Variants in EYA2 observed in about 807,000 individuals in gnomAD.
EYA2 encodes the protein EYA transcriptional coactivator and phosphatase 2.
A neutral mutation model predicts 69.2 loss-of-function variants in EYA2; 31 were observed. The observed-to-expected ratio is 0.45, with a 90% CI of 0.34 to 0.60. The LOEUF is 0.60. Among genes scored for constraint, EYA2 ranks in the 20% least tolerant of loss-of-function variants. The pLI, the probability that EYA2 is intolerant of heterozygous loss-of-function variation, is 0.02. For synonymous variants in EYA2, 257 were observed against 279.4 expected (o/e 0.92, Z 0.80); for missense variants, 622 against 701.2 (o/e 0.89, Z 1.28).
At chr20:46,948,514 A>T (rs1978609368) in intron 1 of EYA2, among the ~76,000 whole-genome samples, 1 of 152,222 alleles carries the variant, frequency 6.6e-6, no homozygotes, top group Admixed American at 6.5e-5. Context: ...GATAAGCTGC[A>T]TAAGATGAGG....
intron 1 of EYA2, among the ~76,000 whole-genome samples, chr20:46,956,461 T>G (rs555468812): frequency 6.6e-5 from 10 of 152,316 alleles, no homozygotes; most frequent in Non-Finnish European, 1.3e-4. Flanking sequence ...CTCCATGTGG[T>G]CAACCAAGGG....
In EYA2 at chr20:46,987,916, G is replaced by GACTCTCTCTCTCTCTCTCTCTCTCTC. The variant is rs56288405; in HGVS notation, c.-10-2085_-10-2084insACTCTCTCTCTCTCTCTCTCTCTCTC. Among the ~76,000 whole-genome samples, 12 of 20,374 alleles carry GACTCTCTCTCTCTCTCTCTCTCTCTC rather than the reference G, an allele frequency of 5.9e-4. 2 individuals carry two copies. Among genetic ancestry groups the GACTCTCTCTCTCTCTCTCTCTCTCTC allele is most frequent in the Non-Finnish European group, 9.6e-4 (10 of 10,418 alleles). The allele number at this position is 20,374 out of a possible 152,430, so 13.4% of individuals were successfully genotyped here. A position where few individuals can be genotyped will look rare whatever the true frequency, so the allele number is the denominator to read the frequency against. On this transcript the variant is annotated intron_variant, in intron 1 of 15. Coordinates refer to ENST00000327619, the MANE Select transcript of EYA2 (RefSeq NM_005244.5). ...TACTCCAGCCTGGAAGACAGAGTAAGTCTCTCTCTCTCTCTCTCTCTCTCT... is the reference window on the plus strand; with the variant it reads ...TACTCCAGCCTGGAAGACAGAGTAAGACTCTCTCTCTCTCTCTCTCTCTCTCTCTCTCTCTCTCTCTCTCTCTCTCT...
intron 2 of EYA2, among the ~76,000 whole-genome samples, chr20:46,991,752 G>A (rs1600617571): frequency 6.6e-6 from 1 of 152,102 alleles, no homozygotes. Flanking sequence ...GGCGGATCAC[G>A]AGGTCAGGAG....
At chr20:47,145,671 G>T (rs1273567128) in intron 10 of EYA2, among the ~76,000 whole-genome samples, 1 of 152,124 alleles carries the variant, frequency 6.6e-6, no homozygotes, top group Non-Finnish European at 1.5e-5. Context: ...GGCCAAGGCG[G>T]GTGGATCACT....
At chr20:47,020,303 ATCTCATAAACTTCCAAAAACT>A (rs1983673182) in intron 5 of EYA2, among the ~76,000 whole-genome samples, 1 of 152,194 alleles carries the variant, frequency 6.6e-6, no homozygotes. Flanking sequence ...CTTCTAGCTA[ATCTCATAAACTTCCAAAAACT>A]TTAGCACAGC....
At chr20:47,140,053 C>T (rs1380344739) in intron 9 of EYA2, among the ~76,000 whole-genome samples, 1 of 152,206 alleles carries the variant, frequency 6.6e-6, no homozygotes, top group Non-Finnish European at 1.5e-5. Context: ...TAAATCCTTT[C>T]AGCAAACAAG....
chr20:47,106,124 A>G (rs2032572918), intron 9 of EYA2, among the ~76,000 whole-genome samples: 2 of 152,064 alleles, frequency 1.3e-5, no homozygotes, highest in African/African-American at 4.8e-5. Flanking sequence ...TTTACTGTAG[A>G]GCTTTTATTA....
intron 5 of EYA2, among the ~76,000 whole-genome samples, chr20:47,033,002 G>T (rs1379579256): frequency 6.6e-6 from 1 of 152,066 alleles, no homozygotes; most frequent in African/African-American, 2.4e-5. Context: ...AGCAGGCCTC[G>T]CCAGGTCTCG....
intron 10 of EYA2, among the ~76,000 whole-genome samples, chr20:47,152,145 A>AC (rs1167663083): frequency 6.6e-6 from 1 of 151,826 alleles, no homozygotes; most frequent in Non-Finnish European, 1.5e-5. Context: ...TATTTTACAG[A>AC]CCTCAATTTC....
At chr20:46,980,842 G>A (rs754827370) in intron 1 of EYA2, among the ~76,000 whole-genome samples, 3 of 152,158 alleles carry the variant, frequency 2.0e-5, no homozygotes, top group Non-Finnish European at 4.4e-5. Context: ...ACATGTGATT[G>A]AGAACATGCC....
intron 1 of EYA2, among the ~76,000 whole-genome samples, chr20:46,898,656 T>A (rs151114143): frequency 2.7e-4 from 41 of 152,360 alleles, no homozygotes; most frequent in Admixed American, 1.4e-3. Flanking sequence ...GGTGTTTGAC[T>A]AACACCCTTT....
At position 47,029,158 on chromosome 20, in the gene EYA2, G is replaced by T. The variant is rs527727072; in HGVS notation, c.415+12861G>T. ...GCAGGGGACTCTGAGCTCAGAAGGG[G>T]AAGAAATGGGGGTTAGCATATTCAG... On this transcript the variant is annotated intron_variant, in intron 5 of 15. Coordinates refer to ENST00000327619, the MANE Select transcript of EYA2 (RefSeq NM_005244.5). 4.1e-4 allele frequency among the ~76,000 whole-genome samples: 63 copies of T among 152,322 alleles called. 2 individuals are homozygous for T. In the South Asian group the frequency reaches 9.5e-3, roughly 23 times the overall value.
intron 5 of EYA2, among the ~76,000 whole-genome samples, chr20:47,030,584 T>A (rs1447019237): frequency 2.0e-5 from 3 of 152,086 alleles, no homozygotes; most frequent in Non-Finnish European, 4.4e-5. Flanking sequence ...CATAACAAAA[T>A]ACCATGGTCT....
intron 1 of EYA2, among the ~76,000 whole-genome samples, chr20:46,969,547 T>C (rs1375319810): frequency 7.0e-6 from 1 of 143,802 alleles, no homozygotes; most frequent in Non-Finnish European, 1.6e-5. Context: ...TTCTCCTCTT[T>C]TGTTTTTGTT....
At chr20:47,137,351 GA>G (rs1302268833) in intron 9 of EYA2, among the ~76,000 whole-genome samples, 2 of 152,176 alleles carry the variant, frequency 1.3e-5, no homozygotes, top group Admixed American at 6.5e-5. Flanking sequence ...GGGACTGGGG[GA>G]TTTTGACAAT....
Position 47,072,272 on chromosome 20 carries a change from G to A in EYA2, c.483+20G>A, listed in dbSNP as rs377429639. ...CACCAGGTAGACATGGCTCCCTCCC[G>A]ATTCTTTCCTCAGTTCTTTCTGGAA... is the stretch of plus-strand genomic sequence containing the variant. On this transcript the variant is annotated intron_variant, in intron 6 of 15. Coordinates refer to ENST00000327619, the MANE Select transcript of EYA2 (RefSeq NM_005244.5). 56 of 1,600,326 alleles carry A rather than the reference G, an allele frequency of 3.5e-5. No homozygotes were observed. Among genetic ancestry groups the A allele is most frequent in the East Asian group, 9.0e-5 (4 of 44,570 alleles).
chr20:46,957,515 G>C (rs898971649), intron 1 of EYA2, among the ~76,000 whole-genome samples: 4 of 149,178 alleles, frequency 2.7e-5, no homozygotes, highest in African/African-American at 1.0e-4. Flanking sequence ...ATAGGAGAGA[G>C]GCAGAAGGAG....
intron 1 of EYA2, among the ~76,000 whole-genome samples, chr20:46,931,380 T>C (rs1985659823): frequency 6.6e-6 from 1 of 152,034 alleles, no homozygotes; most frequent in East Asian, 1.9e-4. Context: ...TTTGTTTGTT[T>C]GTTTGTTGTT....
At chr20:47,172,987 T>A in intron 12 of EYA2, 120 bp downstream of exon 12, 1 of 1,105,720 alleles carries the variant, frequency 9.0e-7, no homozygotes, top group Non-Finnish European at 1.3e-6. Flanking sequence ...CCAGCCCACT[T>A]AATGCAACCC....
Sources: gnomAD v4.1 joint callset for allele counts (sites outside exome capture counted in the v4.1 genomes callset) on GRCh38, gnomAD v4.1.1 for gene constraint, MANE v1.5 for transcripts, NCBI Gene and HGNC (gene_info 2026-07-23, HGNC 2026-07-21) for gene names.